Variants in TBC1D16 observed in about 807,000 individuals in gnomAD.
The protein encoded by TBC1D16 is CTD-2529O21.1.
In TBC1D16, 58 loss-of-function variants were observed where a neutral mutation model predicts 74.7. That is an observed-to-expected ratio of 0.78 (90% confidence interval 0.63 to 0.97). The LOEUF is 0.97. TBC1D16 is among the 50% of genes least tolerant of loss of function. The probability of loss-of-function intolerance (pLI) is 0.00; values close to 1 mark genes in which losing one functional copy is unlikely to be tolerated. For synonymous variants in TBC1D16, 493 were observed against 474.7 expected, an observed-to-expected ratio of 1.04 and a Z score of -0.50; for missense variants, 1,014 against 1,079.5, an observed-to-expected ratio of 0.94 and a Z score of 0.85.
At chr17:80,032,694 T>C (rs2036815546) in intron 1 of TBC1D16, among the ~76,000 whole-genome samples, 1 of 152,184 alleles carries the variant, frequency 6.6e-6, no homozygotes, top group South Asian at 2.1e-4. Flanking sequence ...GTGTGCTCTC[T>C]CCTGTGCACT....
chr17:79,983,698 G>A lies in TBC1D16; in HGVS notation c.779+26462C>T, dbSNP rs1034525482. 6.6e-6 allele frequency among the ~76,000 whole-genome samples: 1 copy of A among 152,172 alleles called. No homozygotes were observed. The highest frequency in any genetic ancestry group is 1.9e-4 in the East Asian group (1 of 5,192). ...GGAAGGTGGTTCCTTCTGGAGACCG[G>A]GGCACGGAACGACCAGACTGGGGAG... On this transcript the variant is annotated intron_variant, in intron 3 of 11. Coordinates refer to ENST00000310924, the MANE Select transcript of TBC1D16 (RefSeq NM_019020.4). This position sits in a 1 kb window ranked among gnomAD's most constrained non-coding sequence, Gnocchi z 5.6.
Position 80,010,479 on chromosome 17 carries a change from C to T in TBC1D16, c.460G>A (p.Ala154Thr), listed in dbSNP as rs374481868. ...VAQSVPDRML[A>T]SPAPEDEEKL... Reference sequence around the variant, plus strand: ...TCCTCATCCTCTGGCGCAGGGCTGGCGAGCATGCGGTCTGGAACACTCTGG... The same window carrying T: ...TCCTCATCCTCTGGCGCAGGGCTGGTGAGCATGCGGTCTGGAACACTCTGG... The change falls in exon 3 of 12, where the codon GCC becomes ACC. Residue 154 changes from alanine to threonine, a missense_variant. Ala to Thr is a moderately conservative substitution (Grantham distance 58). Transcript: ENST00000310924. The surrounding 1 kb of genome is among the most constrained non-coding windows in gnomAD (Gnocchi z 8.8). The T allele has an allele frequency of 4.8e-5, 78 of 1,609,966 alleles. No individual in the cohort carries two copies. The highest frequency in any genetic ancestry group is 6.5e-5 in the Non-Finnish European group (77 of 1,178,490).
At position 79,952,782 on chromosome 17, in the gene TBC1D16, C is replaced by G. The variant is rs772471957; in HGVS notation, c.816G>C (p.Pro272=). 2 of 1,611,448 alleles carry G rather than the reference C, an allele frequency of 1.2e-6. No individual in the cohort carries two copies. The highest frequency in any genetic ancestry group is 1.7e-6 in the Non-Finnish European group (2 of 1,178,954). ...PSSSDAGLRF[P]DSNGLLQTPR... is the part of the protein sequence containing the mutation. ...GGGTCTGCAGGAGGCCGTTGCTGTC[C>G]GGGAACCGCAGGCCGGCGTCGGAGC... is the stretch of plus-strand genomic sequence containing the variant. The change falls in exon 4 of 12, where the codon CCG becomes CCC. Residue 272 remains proline (P), a synonymous_variant. Transcript: ENST00000310924.
Position 79,948,995 on chromosome 17 carries a change from G to A in TBC1D16, c.1418C>T (p.Thr473Ile), listed in dbSNP as rs1260558511. ...CCAGAACGCTCTGTGCTCCTCGGGA[G>A]TCATGGAGAGCCTGTGTGGAGCCGA... ...SEIQQKRLSM[T>I]PEEHRAFWRN... Residue 473 changes from threonine to isoleucine, a missense_variant, in exon 8 of 12, where the codon ACT becomes ATT. Coordinates refer to ENST00000310924, the MANE Select transcript of TBC1D16 (RefSeq NM_019020.4). 1.2e-6 allele frequency: 2 copies of A among 1,614,012 alleles called. No individual in the cohort carries two copies. Among genetic ancestry groups the A allele is most frequent in the Non-Finnish European group, 1.7e-6 (2 of 1,180,016 alleles).
In TBC1D16 at chr17:79,980,079, G is replaced by A. The variant is rs968178684; in HGVS notation, c.780-27261C>T. On this transcript the variant is annotated intron_variant, in intron 3 of 11. Transcript: ENST00000310924. This position sits in a 1 kb window ranked among gnomAD's most constrained non-coding sequence, Gnocchi z 7.0. ...GCTCACCGTGCCGTGGAGGGTGGCC[G>A]CGAGGTTCATCTGGGCCTCCGAGCC... is the stretch of plus-strand genomic sequence containing the variant. 3.3e-5 allele frequency among the ~76,000 whole-genome samples: 5 copies of A among 152,142 alleles called. No homozygotes were observed. The highest frequency in any genetic ancestry group is 2.4e-5 in the African/African-American group (1 of 41,432).
chr17:79,950,599 G>C lies in TBC1D16; in HGVS notation c.1090-21C>G. On this transcript the variant is annotated intron_variant, in intron 5 of 11. Coordinates refer to ENST00000310924, the MANE Select transcript of TBC1D16 (RefSeq NM_019020.4). The surrounding 1 kb of genome is among the most constrained non-coding windows in gnomAD (Gnocchi z 4.6). ...ACCTGCTGGACGGGAGGAAAACTGGGCAAAGGTCAGGATCTCAGCCGCGCG... is the reference window on the plus strand; with the variant it reads ...ACCTGCTGGACGGGAGGAAAACTGGCCAAAGGTCAGGATCTCAGCCGCGCG... 6.2e-7 allele frequency: 1 copy of C among 1,608,416 alleles called. No homozygotes were observed.
Position 79,993,889 on chromosome 17 carries a change from T to C in TBC1D16, c.779+16271A>G, listed in dbSNP as rs545130241. On this transcript the variant is annotated intron_variant, in intron 3 of 11. Coordinates refer to ENST00000310924, the MANE Select transcript of TBC1D16 (RefSeq NM_019020.4). The surrounding 1 kb of genome is among the most constrained non-coding windows in gnomAD (Gnocchi z 5.1). ...GAGCACCAGGAGCCCCCAGCCCCCA[T>C]GCAACCACCGGCCGGGGTTGCGTCA... Among the ~76,000 whole-genome samples, 9 of 151,992 alleles carry C rather than the reference T, an allele frequency of 5.9e-5. No individual in the cohort carries two copies. The highest frequency in any genetic ancestry group is 1.0e-4 in the Non-Finnish European group (7 of 67,970).
At chr17:79,992,599 G>C (rs988651618) in intron 3 of TBC1D16, among the ~76,000 whole-genome samples, 1 of 152,208 alleles carries the variant, frequency 6.6e-6, no homozygotes. Flanking sequence ...CCGCCAGTCC[G>C]AGGCTCCCAG....
intron 3 of TBC1D16, among the ~76,000 whole-genome samples, chr17:79,969,061 G>A (rs2033964952): frequency 6.6e-6 from 1 of 152,036 alleles, no homozygotes; most frequent in Non-Finnish European, 1.5e-5. Flanking sequence ...ATAAGCACAT[G>A]AAAAATTCTC....
rs1400501748 is a variant in TBC1D16 at position 79,936,773 on chromosome 17, G to A, written c.*4086C>T. On this transcript the variant is annotated 3_prime_UTR_variant, in exon 12 of 12. Transcript: ENST00000310924. Reference sequence around the variant, plus strand: ...TGGCTTAGAAACAAGGGACGAAGTGGATCCTGAGGCTCATTCCCTGGGGAC... The same window carrying A: ...TGGCTTAGAAACAAGGGACGAAGTGAATCCTGAGGCTCATTCCCTGGGGAC... 1 of 152,268 alleles carries A rather than the reference G, an allele frequency of 6.6e-6. No homozygotes were observed. The highest frequency in any genetic ancestry group is 2.1e-4 in the South Asian group (1 of 4,830). The allele number at this position is 152,268 out of a possible 1,614,324, so 9.4% of individuals were successfully genotyped here.
intron 3 of TBC1D16, among the ~76,000 whole-genome samples, chr17:79,960,840 G>A (rs2033583834): frequency 1.6e-5 from 2 of 124,134 alleles, no homozygotes; most frequent in South Asian, 2.5e-4. Context: ...TGTGAGTGCT[G>A]GCCAGGAGGC....
intron 3 of TBC1D16, 173 bp from the exon 4 acceptor site, chr17:79,952,991 C>T (rs1268592528): frequency 1.6e-6 from 1 of 629,468 alleles, no homozygotes; most frequent in African/African-American, 1.8e-5. Context: ...GTATGAACCC[C>T]ACTGCACAGT....
In TBC1D16 at chr17:80,011,944, G is replaced by A. The variant is rs148537900; in HGVS notation, c.182-1187C>T. Among the ~76,000 whole-genome samples the A allele has an allele frequency of 2.1e-3, 314 of 152,270 alleles. 1 individual carries two copies. Among genetic ancestry groups the A allele is most frequent in the African/African-American group, 7.4e-3 (308 of 41,542 alleles). Reference sequence around the variant, plus strand: ...TGAGGAAGGGGCCACCTTTGCAGATGAGCATTGATGTCACACACGGGGTTG... The same window carrying A: ...TGAGGAAGGGGCCACCTTTGCAGATAAGCATTGATGTCACACACGGGGTTG... On this transcript the variant is annotated intron_variant, in intron 2 of 11. Coordinates refer to ENST00000310924, the MANE Select transcript of TBC1D16 (RefSeq NM_019020.4).
At chr17:80,002,887 A>C (rs936798537) in intron 3 of TBC1D16, among the ~76,000 whole-genome samples, 1 of 152,218 alleles carries the variant, frequency 6.6e-6, no homozygotes, top group African/African-American at 2.4e-5. Context: ...CCCTGTGAGG[A>C]AGCACCCGGG....
At chr17:79,978,311 G>T (rs375871435) in intron 3 of TBC1D16, among the ~76,000 whole-genome samples, 1 of 152,264 alleles carries the variant, frequency 6.6e-6, no homozygotes, top group Non-Finnish European at 1.5e-5. Context: ...TAACTCTGCC[G>T]ATCTGCAACA....
chr17:80,021,307 C>G (rs2036273134), intron 1 of TBC1D16, among the ~76,000 whole-genome samples: 1 of 147,768 alleles, frequency 6.8e-6, no homozygotes, highest in African/African-American at 2.6e-5. Context: ...GATCCCACTT[C>G]TAAAAAATTA....
Position 79,939,875 on chromosome 17 carries a change from G to C in TBC1D16, c.*984C>G, listed in dbSNP as rs1311329330. 2.0e-5 allele frequency: 3 copies of C among 152,166 alleles called. No individual in the cohort carries two copies. The highest frequency in any genetic ancestry group is 4.4e-5 in the Non-Finnish European group (3 of 68,042). 9.4% of individuals were successfully genotyped at this position (152,166 alleles called of 1,614,324 possible). ...AAGTGGAAGAGTCTAACTATTTCCA[G>C]GTGTCCTTGTCTTGGTTGGTCAGCT... is the stretch of plus-strand genomic sequence containing the variant. On this transcript the variant is annotated 3_prime_UTR_variant, in exon 12 of 12. Coordinates refer to ENST00000310924, the MANE Select transcript of TBC1D16 (RefSeq NM_019020.4).
rs1436347518 is a variant in TBC1D16, at chr17:79,950,312, T to TGCGG, written c.1257+95_1257+98dup. On this transcript the variant is annotated intron_variant, in intron 6 of 11. Coordinates refer to ENST00000310924, the MANE Select transcript of TBC1D16 (RefSeq NM_019020.4). The surrounding 1 kb of genome is among the most constrained non-coding windows in gnomAD (Gnocchi z 4.6). ...CCCTCACGAGGAGGTGGCCCGTGGG[T>TGCGG]GCGGGCGGGCGGCCAGGCCCCGGCC... 4.4e-6 allele frequency: 6 copies of TGCGG among 1,374,232 alleles called. No homozygotes were observed. The Admixed American group carries it at 7.9e-5, about 18-fold the overall frequency. 85.1% of individuals were successfully genotyped at this position (1,374,232 alleles called of 1,614,324 possible).
chr17:79,960,809 A>AAAAAC (rs2033576160), intron 3 of TBC1D16, among the ~76,000 whole-genome samples: 1 of 136,146 alleles, frequency 7.3e-6, no homozygotes. Flanking sequence ...AAAAAAAAAA[A>AAAAAC]CGAAGGAATG....
Sources: allele counts gnomAD v4.1 joint callset (sites outside exome capture counted in the v4.1 genomes callset), GRCh38; gene constraint gnomAD v4.1.1; non-coding constraint Gnocchi (gnomAD v3.1); transcripts MANE v1.5; gene names NCBI Gene and HGNC (gene_info 2026-07-23, HGNC 2026-07-21).